The following CTNNA2 variants were observed in gnomAD, a reference collection of about 807,000 sequenced individuals.
The protein encoded by CTNNA2 is catenin alpha-2.
A neutral mutation model predicts 101.0 loss-of-function variants in CTNNA2; 42 were observed. The ratio of observed to expected loss-of-function variants is 0.42; its 90% CI spans 0.32 to 0.54. CTNNA2 has a LOEUF of 0.54. Among genes scored for constraint, CTNNA2 ranks in the 20% least tolerant of loss-of-function variants. CTNNA2 has a pLI of 0.14. For synonymous variants in CTNNA2, 450 were observed against 456.4 expected, an observed-to-expected ratio of 0.99 and a Z score of 0.18; for missense variants, 871 against 1,223.1, an observed-to-expected ratio of 0.71 and a Z score of 4.29.
chr2:79,740,539 A>G (rs1671219845), intron 2 of CTNNA2, among the ~76,000 whole-genome samples: 1 of 152,164 alleles, frequency 6.6e-6, no homozygotes, highest in African/African-American at 2.4e-5. Context: ...AGGGCATTGC[A>G]GGAAGATAGG....
At chr2:79,220,034 C>T (rs148957394) in intron 2 of CTNNA2, among the ~76,000 whole-genome samples, 440 of 152,284 alleles carry the variant, frequency 2.9e-3, no homozygotes, top group South Asian at 9.9e-3. Context: ...TGCAGATTCA[C>T]TCTGCATTTT....
At chr2:80,095,000 T>C (rs1700053102) in intron 7 of CTNNA2, among the ~76,000 whole-genome samples, 1 of 152,168 alleles carries the variant, frequency 6.6e-6, no homozygotes, top group Non-Finnish European at 1.5e-5. Flanking sequence ...TTTATTTCCT[T>C]CTCCTGCCTG....
chr2:79,873,929 A>G, intron 5 of CTNNA2, 147 bp from the exon 6 acceptor site: 1 of 1,258,020 alleles, frequency 7.9e-7, no homozygotes, highest in Non-Finnish European at 1.1e-6. Context: ...CAAACAAAAG[A>G]GTATATGCAA....
chr2:80,286,712 C>G (rs996086119), intron 7 of CTNNA2, among the ~76,000 whole-genome samples: 1 of 152,174 alleles, frequency 6.6e-6, no homozygotes, highest in East Asian at 1.9e-4. Context: ...TCAAGCCCTA[C>G]GAAACTTCTC....
chr2:79,925,856 T>A (rs2974153), intron 7 of CTNNA2, among the ~76,000 whole-genome samples: 23,138 of 146,154 alleles, frequency 0.16, 1,950 homozygotes, highest in East Asian at 0.26. Context: ...ATAATGGCAT[T>A]CTTTGTTTAT....
At chr2:79,289,287 T>C (rs1675722065) in intron 2 of CTNNA2, among the ~76,000 whole-genome samples, 1 of 152,144 alleles carries the variant, frequency 6.6e-6, no homozygotes, top group African/African-American at 2.4e-5. Context: ...CTTTGGGGGT[T>C]GTTTTGTTTT....
At chr2:80,092,750 G>A (rs1334079216) in intron 7 of CTNNA2, among the ~76,000 whole-genome samples, 5 of 152,082 alleles carry the variant, frequency 3.3e-5, no homozygotes, top group Non-Finnish European at 7.4e-5. Context: ...TCTCATTGAG[G>A]AGAATGCATC....
At chr2:80,155,218 C>T (rs1457966428) in intron 7 of CTNNA2, among the ~76,000 whole-genome samples, 1 of 152,208 alleles carries the variant, frequency 6.6e-6, no homozygotes, top group African/African-American at 2.4e-5. Flanking sequence ...CTTAAGAAAG[C>T]TCAGGGGTCC....
At chr2:79,521,168 A>T (rs1672101778) in intron 1 of CTNNA2, among the ~76,000 whole-genome samples, 1 of 101,986 alleles carries the variant, frequency 9.8e-6, no homozygotes, top group Non-Finnish European at 1.9e-5. Context: ...ATATATATAT[A>T]AATTTTAAGG....
At chr2:80,034,240 G>T (rs1314760242) in intron 7 of CTNNA2, among the ~76,000 whole-genome samples, 1 of 147,766 alleles carries the variant, frequency 6.8e-6, no homozygotes, top group Non-Finnish European at 1.5e-5. Flanking sequence ...AAATCATGAA[G>T]AAAAAAGATT....
chr2:79,464,540 A>G (rs1670913592), intron 4 of CTNNA2, among the ~76,000 whole-genome samples: 1 of 152,118 alleles, frequency 6.6e-6, no homozygotes, highest in Non-Finnish European at 1.5e-5. Context: ...CTAGTTCTAG[A>G]TCCCTGAGGA....
intron 7 of CTNNA2, among the ~76,000 whole-genome samples, chr2:79,917,469 C>T (rs541038037): frequency 6.6e-6 from 1 of 152,176 alleles, no homozygotes; most frequent in Non-Finnish European, 1.5e-5. Flanking sequence ...TTTGAATCTA[C>T]TCCTCAAAAG....
At chr2:79,240,846 T>C (rs1674617200) in intron 2 of CTNNA2, among the ~76,000 whole-genome samples, 1 of 152,124 alleles carries the variant, frequency 6.6e-6, no homozygotes, top group Admixed American at 6.5e-5. Context: ...TACAAGAAGA[T>C]GACACTGTGG....
intron 11 of CTNNA2, among the ~76,000 whole-genome samples, chr2:80,549,126 A>G (rs1356289607): frequency 6.6e-6 from 1 of 152,226 alleles, no homozygotes; most frequent in African/African-American, 2.4e-5. Flanking sequence ...TGCACATAAA[A>G]AAGTGAAATG....
chr2:79,996,460 A>G (rs1574497717), intron 7 of CTNNA2, among the ~76,000 whole-genome samples: 1 of 152,216 alleles, frequency 6.6e-6, no homozygotes, highest in African/African-American at 2.4e-5. Flanking sequence ...TATGAAGCAG[A>G]AAAAAGAAGA....
intron 7 of CTNNA2, among the ~76,000 whole-genome samples, chr2:80,036,699 A>G (rs1193265148): frequency 1.3e-5 from 2 of 152,122 alleles, no homozygotes; most frequent in African/African-American, 4.8e-5. Context: ...GGAGCTTCTC[A>G]TGGGAAGGGA....
intron 2 of CTNNA2, among the ~76,000 whole-genome samples, chr2:79,270,437 G>A (rs575412716): frequency 1.3e-5 from 2 of 152,130 alleles, no homozygotes; most frequent in Admixed American, 6.5e-5. Flanking sequence ...CTCTTATCTG[G>A]TTTCTAACAA....
chr2:80,340,802 G>A (rs1230710857), intron 7 of CTNNA2, among the ~76,000 whole-genome samples: 2 of 152,120 alleles, frequency 1.3e-5, no homozygotes, highest in African/African-American at 4.8e-5. Flanking sequence ...CAGATCTCAT[G>A]AGTTAAAGGT....
rs943498147 is a variant in CTNNA2, at chr2:80,200,602, C to G, written c.1057-192609C>G. Among the ~76,000 whole-genome samples the G allele has an allele frequency of 3.9e-5, 6 of 152,210 alleles. No individual in the cohort carries two copies. The South Asian group carries it at 1.2e-3, about 32-fold the overall frequency. ...CCAGGCTGGAGTGCAATGGCGTGATCCCGGCTCACTGCAATCTCCACCTCC... is the reference window on the plus strand; with the variant it reads ...CCAGGCTGGAGTGCAATGGCGTGATGCCGGCTCACTGCAATCTCCACCTCC... On this transcript the variant is annotated intron_variant, in intron 7 of 18. Transcript: ENST00000402739.
Sources: gnomAD v4.1 joint callset for allele counts (sites outside exome capture counted in the v4.1 genomes callset) on GRCh38, gnomAD v4.1.1 for gene constraint, MANE v1.5 for transcripts, NCBI Gene and HGNC (gene_info 2026-07-23, HGNC 2026-07-21) for gene names.